Variants in MALRD1 observed in about 807,000 individuals in gnomAD.
MALRD1 encodes the protein MAM and LDL receptor class A domain containing 1, also known as MAM and LDL-receptor class A domain-containing protein 1.
Under a neutral mutation model 242.1 loss-of-function variants are expected in MALRD1, and 247 were observed. The observed-to-expected ratio is 1.02, with a 90% CI of 0.92 to 1.13. The LOEUF is 1.13. MALRD1 is among the 50% of genes most tolerant of loss of function. The pLI is 0.00. For synonymous variants in MALRD1, 995 were observed against 866.6 expected (o/e 1.15, Z -2.60); for missense variants, 2,989 against 2,533.1 (o/e 1.18, Z -3.86).
At chr10:19,084,199 G>C (rs983831309) in intron 2 of MALRD1, among the ~76,000 whole-genome samples, 2 of 151,896 alleles carry the variant, frequency 1.3e-5, no homozygotes, top group African/African-American at 4.8e-5. Context: ...ATTGGTATGA[G>C]TCAAAACGTA....
intron 5 of MALRD1, among the ~76,000 whole-genome samples, chr10:19,115,042 G>T (rs1422990124): frequency 2.0e-5 from 3 of 152,098 alleles, no homozygotes; most frequent in Non-Finnish European, 4.4e-5. Context: ...AGTACTTTGG[G>T]TTAACAGTTC....
At chr10:19,165,265 A>ATATATATATATATATTTTTTTTTTT in intron 12 of MALRD1, among the ~76,000 whole-genome samples, 1 of 130,286 alleles carries the variant, frequency 7.7e-6, no homozygotes, top group African/African-American at 3.2e-5. Flanking sequence ...ATATATATAT[A>ATATATATATATATATTTTTTTTTTT]TTTTGTTTTG....
chr10:19,541,877 A>C (rs748369274), intron 32 of MALRD1, among the ~76,000 whole-genome samples: 1 of 152,226 alleles, frequency 6.6e-6, no homozygotes, highest in Non-Finnish European at 1.5e-5. Flanking sequence ...AATAATAGAA[A>C]ATATAAACCA....
intron 26 of MALRD1, among the ~76,000 whole-genome samples, chr10:19,370,735 C>T (rs145453508): frequency 1.3e-4 from 20 of 152,084 alleles, no homozygotes; most frequent in African/African-American, 4.8e-4. Context: ...ACACCACCAT[C>T]CTGGCTAATT....
chr10:19,596,579 G>A (rs1002367135), intron 34 of MALRD1, among the ~76,000 whole-genome samples: 5 of 151,724 alleles, frequency 3.3e-5, no homozygotes, highest in African/African-American at 9.7e-5. Flanking sequence ...AATAGCAATA[G>A]TAATAACCAG....
At chr10:19,071,471 C>G (rs1208818511) in intron 2 of MALRD1, among the ~76,000 whole-genome samples, 1 of 152,086 alleles carries the variant, frequency 6.6e-6, no homozygotes, top group South Asian at 2.1e-4. Context: ...ATGTCAAAGG[C>G]TGACAGAATT....
intron 29 of MALRD1, among the ~76,000 whole-genome samples, chr10:19,477,229 T>C (rs1296207550): frequency 2.0e-5 from 3 of 152,204 alleles, no homozygotes; most frequent in African/African-American, 4.8e-5. Flanking sequence ...TGACTTGTTA[T>C]AGAAATTTTT....
At chr10:19,161,969 A>G (rs911243755) in intron 12 of MALRD1, among the ~76,000 whole-genome samples, 1 of 152,040 alleles carries the variant, frequency 6.6e-6, no homozygotes, top group Admixed American at 6.6e-5. Context: ...TGGAGGCTGC[A>G]GTGAGCCGTG....
At chr10:19,287,596 A>T (rs1841189085) in intron 21 of MALRD1, among the ~76,000 whole-genome samples, 1 of 152,076 alleles carries the variant, frequency 6.6e-6, no homozygotes, top group Non-Finnish European at 1.5e-5. Context: ...CCTCAATATC[A>T]GTTGCAAAAT....
chr10:19,579,430 G>A (rs900218430), intron 33 of MALRD1, among the ~76,000 whole-genome samples: 6 of 152,136 alleles, frequency 3.9e-5, no homozygotes, highest in Middle Eastern at 3.4e-3. Context: ...ATATATTTAC[G>A]GTATGTGATG....
chr10:19,479,136 T>C (rs1269957826), intron 29 of MALRD1, among the ~76,000 whole-genome samples: 1 of 152,224 alleles, frequency 6.6e-6, no homozygotes, highest in Non-Finnish European at 1.5e-5. Context: ...GTGCTAGTAT[T>C]GAGTATATAG....
At chr10:19,688,983 G>A (rs1018200653) in intron 36 of MALRD1, among the ~76,000 whole-genome samples, 7 of 152,130 alleles carry the variant, frequency 4.6e-5, no homozygotes, top group Non-Finnish European at 8.8e-5. Flanking sequence ...TTTATACACT[G>A]GGGTGAAGAG....
chr10:19,303,686 T>C (rs1270286006), intron 21 of MALRD1, among the ~76,000 whole-genome samples: 1 of 151,762 alleles, frequency 6.6e-6, no homozygotes, highest in Admixed American at 6.6e-5. Flanking sequence ...TTTTCATTAA[T>C]ATATACAAAT....
At chr10:19,367,539 T>C (rs1203951495) in intron 26 of MALRD1, among the ~76,000 whole-genome samples, 1 of 152,150 alleles carries the variant, frequency 6.6e-6, no homozygotes, top group Non-Finnish European at 1.5e-5. Flanking sequence ...GGCTGATTTC[T>C]TATCTTGGCT....
chr10:19,506,475 C>T (rs1050597415), intron 31 of MALRD1, among the ~76,000 whole-genome samples: 2 of 152,032 alleles, frequency 1.3e-5, no homozygotes, highest in African/African-American at 4.8e-5. Context: ...TCAGATGCAC[C>T]TGTAGGAGGC....
chr10:19,098,496 C>T (rs895894285), intron 4 of MALRD1, among the ~76,000 whole-genome samples: 2 of 151,912 alleles, frequency 1.3e-5, no homozygotes, highest in Admixed American at 6.6e-5. Context: ...AATCATTATC[C>T]GAGGTATTTT....
intron 11 of MALRD1, among the ~76,000 whole-genome samples, chr10:19,148,773 TAAAAAA>T (rs1174673634): frequency 9.9e-4 from 113 of 114,472 alleles, no homozygotes; most frequent in Middle Eastern, 4.6e-3. Flanking sequence ...AAGGGCCAAT[TAAAAAA>T]AAAAAAAAAA....
intron 32 of MALRD1, among the ~76,000 whole-genome samples, chr10:19,565,783 T>A (rs1445050020): frequency 6.6e-6 from 1 of 152,160 alleles, no homozygotes; most frequent in Non-Finnish European, 1.5e-5. Flanking sequence ...TTAAAAGTAA[T>A]TTTTTGCTTG....
At chr10:19,596,215 A>G (rs1253204614) in intron 34 of MALRD1, among the ~76,000 whole-genome samples, 1 of 152,184 alleles carries the variant, frequency 6.6e-6, no homozygotes, top group Non-Finnish European at 1.5e-5. Context: ...AATTACACAC[A>G]TCTTAAAGTG....
Sources: allele counts gnomAD v4.1 joint callset (sites outside exome capture counted in the v4.1 genomes callset), GRCh38; gene constraint gnomAD v4.1.1; transcripts MANE v1.5; gene names NCBI Gene and HGNC (gene_info 2026-07-23, HGNC 2026-07-21).